Variants in SYNJ2 observed in about 807,000 individuals in gnomAD.
The protein encoded by SYNJ2 is synaptojanin 2.
Under a neutral mutation model 141.3 loss-of-function variants are expected in SYNJ2, and 116 were observed. The observed-to-expected ratio is 0.82, with a 90% CI of 0.71 to 0.96. The LOEUF (loss-of-function observed/expected upper bound fraction) is 0.96. SYNJ2 is among the 40% of genes least tolerant of loss of function. The pLI, the probability that SYNJ2 is intolerant of heterozygous loss-of-function variation, is 0.00. For missense variants in SYNJ2, 1,873 were observed against 1,934.8 expected (o/e 0.97, Z 0.60); for synonymous variants, 745 against 777.7 (o/e 0.96, Z 0.70).
At chr6:158,015,509 C>T (rs1467642999) in intron 1 of SYNJ2, among the ~76,000 whole-genome samples, 1 of 152,174 alleles carries the variant, frequency 6.6e-6, no homozygotes, top group Non-Finnish European at 1.5e-5. Context: ...ACCTGAAATG[C>T]AGCATTTCCT....
intron 18 of SYNJ2, chr6:158,079,073 G>A (rs528885702): frequency 2.0e-5 from 3 of 152,494 alleles, no homozygotes; most frequent in African/African-American, 7.2e-5. Context: ...GGGATTACAG[G>A]CGTGAGCCAC....
Position 158,064,984 on chromosome 6 carries a change from G to A in SYNJ2, c.1518G>A (p.Ala506=), listed in dbSNP as rs374575853. 119 of 1,573,854 alleles carry A rather than the reference G, an allele frequency of 7.6e-5. No individual in the cohort carries two copies. Among genetic ancestry groups the A allele is most frequent in the Middle Eastern group, 1.8e-4 (1 of 5,712 alleles). The change falls in exon 11 of 27, where the codon GCG becomes GCA. Residue 506 remains alanine, a synonymous_variant. Transcript: ENST00000355585. ...DKGGMLLDST[A]LLVTPRILKA... ...GGGGCATGCTGCTGGACAGCACGGC[G>A]CTCCTGGGTAGGGCCTGCCGCAGAC...
At chr6:158,004,373 G>A (rs572996337) in intron 1 of SYNJ2, among the ~76,000 whole-genome samples, 15 of 152,254 alleles carry the variant, frequency 9.9e-5, no homozygotes, top group African/African-American at 3.4e-4. Context: ...TGAAAGTGAC[G>A]TCTGGCCATA....
intron 5 of SYNJ2, among the ~76,000 whole-genome samples, chr6:158,053,227 G>A (rs1409602383): frequency 6.6e-6 from 1 of 152,148 alleles, no homozygotes; most frequent in Non-Finnish European, 1.5e-5. Flanking sequence ...CATTAGTGAT[G>A]TTAATTTTGG....
intron 12 of SYNJ2, among the ~76,000 whole-genome samples, chr6:158,068,339 G>A (rs578015340): frequency 6.0e-4 from 92 of 152,256 alleles, no homozygotes; most frequent in African/African-American, 2.1e-3. Flanking sequence ...TGGCTCAGGA[G>A]CCTGGGTGTC....
intron 6 of SYNJ2, 67 bp from the exon 7 acceptor site, chr6:158,059,190 G>T (rs370355705): frequency 1.4e-6 from 2 of 1,427,006 alleles, no homozygotes; most frequent in South Asian, 1.5e-5. Flanking sequence ...CCCTTGAGGG[G>T]CAGAACAGGG....
rs992417437 is a variant in SYNJ2 at position 158,088,681 on chromosome 6, C to T, written c.3365C>T (p.Ser1122Leu). The T allele has an allele frequency of 1.2e-6, 2 of 1,613,924 alleles. No homozygotes were observed. Among genetic ancestry groups the T allele is most frequent in the South Asian group, 1.1e-5 (1 of 91,078 alleles). Reference sequence around the variant, plus strand: ...ACAGCCGGTTTAATGGTGAAAAAGTCGGCTTCAGATGCGTCCATCTCCTCC... The same window carrying T: ...ACAGCCGGTTTAATGGTGAAAAAGTTGGCTTCAGATGCGTCCATCTCCTCC... ...PPPTGLMVKK[S>L]ASDASISSGT... Residue 1122 changes from serine to leucine, a missense_variant, in exon 24 of 27, where the codon TCG becomes TTG. By Grantham distance (145) the Ser-to-Leu change is moderately radical. Transcript: ENST00000355585.
chr6:158,018,904 G>A (rs11968674), intron 2 of SYNJ2, among the ~76,000 whole-genome samples: 5,066 of 152,320 alleles, frequency 0.033, 277 homozygotes, highest in African/African-American at 0.12. Context: ...GCTCTGCAGC[G>A]ATCTTCCTGA....
At position 158,033,714 on chromosome 6, in the gene SYNJ2, G is replaced by T. The variant is rs189346226; in HGVS notation, c.711+34G>T. 4,795 of 1,578,240 alleles carry T rather than the reference G, an allele frequency of 3.0e-3. 20 individuals are homozygous for T. Among genetic ancestry groups the T allele is most frequent in the Non-Finnish European group, 3.3e-3 (3,830 of 1,160,132 alleles). On this transcript the variant is annotated intron_variant, in intron 4 of 26. Coordinates refer to ENST00000355585, the MANE Select transcript of SYNJ2 (RefSeq NM_003898.4). ...CCAGGCCCATCTGTGGCACCAAATG[G>T]TTCCGAGTGGCTGCAGCTCTTGCAC...
intron 1 of SYNJ2, among the ~76,000 whole-genome samples, chr6:158,000,758 C>T (rs967311673): frequency 5.3e-5 from 8 of 152,104 alleles, no homozygotes; most frequent in Non-Finnish European, 7.4e-5. Flanking sequence ...TGAACACTTC[C>T]CTTACAGCAC....
chr6:158,004,436 C>T (rs1777977505), intron 1 of SYNJ2, among the ~76,000 whole-genome samples: 1 of 152,184 alleles, frequency 6.6e-6, no homozygotes, highest in Admixed American at 6.5e-5. Flanking sequence ...AAGAGACACT[C>T]GCACCAGCAC....
At chr6:158,000,606 T>C (rs1440862899) in intron 1 of SYNJ2, among the ~76,000 whole-genome samples, 1 of 152,138 alleles carries the variant, frequency 6.6e-6, no homozygotes, top group Non-Finnish European at 1.5e-5. Flanking sequence ...GGATTCTGGA[T>C]TGAAATATGG....
chr6:158,093,843 A>G, intron 26 of SYNJ2: 2 of 758,364 alleles, frequency 2.6e-6, no homozygotes, highest in Non-Finnish European at 4.8e-6. Context: ...GTGCGGCCTC[A>G]GCCTACGAGA....
At chr6:158,057,229 A>G (rs1298913104) in intron 6 of SYNJ2, among the ~76,000 whole-genome samples, 1 of 152,106 alleles carries the variant, frequency 6.6e-6, no homozygotes, top group Non-Finnish European at 1.5e-5. Context: ...AGGCAGGGGA[A>G]GTGAAAAAAA....
Position 158,043,424 on chromosome 6 carries a change from T to A in SYNJ2, c.795+25T>A. 5 of 1,578,546 alleles carry A rather than the reference T, an allele frequency of 3.2e-6. No homozygotes were observed. Among genetic ancestry groups the A allele is most frequent in the Non-Finnish European group, 4.4e-6 (5 of 1,148,256 alleles). On this transcript the variant is annotated intron_variant, in intron 5 of 26. Transcript: ENST00000355585. This position sits in a 1 kb window ranked among gnomAD's most constrained non-coding sequence, Gnocchi z 4.0. ...GGTAGGTCATGAAAAAACTTAAATG[T>A]CCCCTTGTGATGTTGTCCGCCCTGC...
At chr6:158,068,501 C>T in intron 12 of SYNJ2, 146 bp from the exon 13 acceptor site, 1 of 794,918 alleles carries the variant, frequency 1.3e-6, no homozygotes, top group Non-Finnish European at 2.0e-6. Context: ...TCCACTGGGG[C>T]AGTTCCCAGC....
At position 158,062,297 on chromosome 6, in the gene SYNJ2, A is replaced by G. The variant is rs151261450; in HGVS notation, c.1127+133A>G. On this transcript the variant is annotated intron_variant, in intron 8 of 26. Transcript: ENST00000355585. The stretch of plus-strand genomic sequence containing the variant: ...CCGTGCAGTCTAGGACATGTGCCCT[A>G]TGAGGGGCAGCTTCCTTCCCTCCCC... 2,196 of 1,385,436 alleles carry G rather than the reference A, an allele frequency of 1.6e-3. 8 individuals are homozygous for G. The highest frequency in any genetic ancestry group is 4.3e-3 in the South Asian group (265 of 62,274). 85.8% of individuals were successfully genotyped at this position (1,385,436 alleles called of 1,614,324 possible). A position where few individuals can be genotyped will look rare whatever the true frequency, so the allele number is the denominator to read the frequency against.
In SYNJ2 at chr6:158,071,346, G is replaced by A. The variant is rs995673790; in HGVS notation, c.1941-256G>A. Among the ~76,000 whole-genome samples the A allele has an allele frequency of 2.0e-5, 3 of 152,114 alleles. No individual in the cohort carries two copies. Among genetic ancestry groups the A allele is most frequent in the East Asian group, 1.9e-4 (1 of 5,194 alleles). Reference sequence around the variant, plus strand: ...CGGATGCAGGCATTGCCCTGTCTTCGGCTTCATGGGGTGCTCAAGTGAGCA... The same window carrying A: ...CGGATGCAGGCATTGCCCTGTCTTCAGCTTCATGGGGTGCTCAAGTGAGCA... On this transcript the variant is annotated intron_variant, in intron 14 of 26. Coordinates refer to ENST00000355585, the MANE Select transcript of SYNJ2 (RefSeq NM_003898.4). The surrounding 1 kb of genome is among the most constrained non-coding windows in gnomAD (Gnocchi z 4.3).
chr6:157,998,640 A>AT (rs1222678032), intron 1 of SYNJ2, among the ~76,000 whole-genome samples: 2 of 152,244 alleles, frequency 1.3e-5, no homozygotes, highest in Non-Finnish European at 2.9e-5. Context: ...GTGTAAAAAA[A>AT]CAACTTTCAA....
Sources: allele counts gnomAD v4.1 joint callset (sites outside exome capture counted in the v4.1 genomes callset), GRCh38; gene constraint gnomAD v4.1.1; non-coding constraint Gnocchi (gnomAD v3.1); transcripts MANE v1.5; gene names NCBI Gene and HGNC (gene_info 2026-07-23, HGNC 2026-07-21).